The following UNC13C variants were observed in gnomAD, a reference collection of about 807,000 sequenced individuals.
The protein encoded by UNC13C is protein unc-13 homolog C.
A neutral mutation model predicts 245.4 loss-of-function variants in UNC13C; 174 were observed. The ratio of observed to expected loss-of-function variants is 0.71; its 90% confidence interval spans 0.63 to 0.80. The LOEUF is 0.80. Ranked by LOEUF, UNC13C falls within the 30% of genes least tolerant of loss-of-function variation. The pLI, the probability that UNC13C is intolerant of heterozygous loss-of-function variation, is 0.00. For missense variants in UNC13C, 2,829 were observed against 2,602.9 expected (o/e 1.09, Z -1.89); for synonymous variants, 992 against 895.1 (o/e 1.11, Z -1.93).
chr15:54,347,135 C>T (rs1429648348), intron 17 of UNC13C, among the ~76,000 whole-genome samples: 1 of 151,964 alleles, frequency 6.6e-6, no homozygotes, highest in East Asian at 1.9e-4. Flanking sequence ...TAAAGAGACC[C>T]CCTAATTGTG....
At chr15:54,135,791 A>G (rs2031697690) in intron 2 of UNC13C, among the ~76,000 whole-genome samples, 1 of 152,132 alleles carries the variant, frequency 6.6e-6, no homozygotes, top group African/African-American at 2.4e-5. Flanking sequence ...GGGCTTTTTT[A>G]TGATTCCATA....
chr15:54,130,060 T>A (rs1451421489), intron 2 of UNC13C, among the ~76,000 whole-genome samples: 2 of 147,788 alleles, frequency 1.4e-5, no homozygotes, highest in Non-Finnish European at 3.0e-5. Context: ...TGATGTGTTT[T>A]AGTGCATTTA....
At chr15:54,139,430 CA>C (rs2031905812) in intron 2 of UNC13C, among the ~76,000 whole-genome samples, 1 of 152,080 alleles carries the variant, frequency 6.6e-6, no homozygotes. Context: ...AGGTAGGACA[CA>C]ATTCAACCCA....
chr15:54,632,216 A>T (rs1901468479), downstream of UNC13C: 1 of 152,144 alleles, frequency 6.6e-6, no homozygotes. Context: ...ATATTTTCAT[A>T]TTCCATATAC....
At chr15:54,397,712 G>A (rs1422580490) in intron 18 of UNC13C, among the ~76,000 whole-genome samples, 3 of 151,180 alleles carry the variant, frequency 2.0e-5, no homozygotes, top group African/African-American at 7.3e-5. Flanking sequence ...GTGAAAAGGT[G>A]TTACATATTC....
At chr15:54,357,318 A>G (rs2140856010) in intron 17 of UNC13C, among the ~76,000 whole-genome samples, 1 of 152,194 alleles carries the variant, frequency 6.6e-6, no homozygotes, top group East Asian at 1.9e-4. Flanking sequence ...AATCAAATCA[A>G]CAAATGTTTT....
chr15:53,843,218 T>G, the UNC13C span, among the ~76,000 whole-genome samples: 17 of 152,260 alleles, frequency 1.1e-4, no homozygotes, highest in Admixed American at 2.6e-4. Context: ...ACAGGCAGAT[T>G]GCTTGAGTCC....
chr15:54,491,230 C>T (rs1344694040), intron 19 of UNC13C, among the ~76,000 whole-genome samples: 1 of 152,124 alleles, frequency 6.6e-6, no homozygotes, highest in Non-Finnish European at 1.5e-5. Flanking sequence ...TTAATTCAGG[C>T]TCATTCCTAA....
At chr15:54,123,537 A>G (rs1262525545) in intron 2 of UNC13C, among the ~76,000 whole-genome samples, 1 of 152,040 alleles carries the variant, frequency 6.6e-6, no homozygotes, top group East Asian at 1.9e-4. Context: ...TAATAAATCA[A>G]AGTAATTTAT....
intron 2 of UNC13C, among the ~76,000 whole-genome samples, chr15:54,132,504 C>T (rs966051714): frequency 1.3e-5 from 2 of 152,170 alleles, no homozygotes; most frequent in Non-Finnish European, 2.9e-5. Flanking sequence ...ATACACCATC[C>T]ACAGGTACTT....
At chr15:54,508,798 A>G (rs1396196856) in intron 23 of UNC13C, among the ~76,000 whole-genome samples, 1 of 152,250 alleles carries the variant, frequency 6.6e-6, no homozygotes, top group Non-Finnish European at 1.5e-5. Context: ...AGATTTCAAT[A>G]TCAAGATCAC....
At chr15:54,363,071 A>G (rs1003934268) in intron 17 of UNC13C, among the ~76,000 whole-genome samples, 4 of 152,216 alleles carry the variant, frequency 2.6e-5, no homozygotes, top group Non-Finnish European at 4.4e-5. Context: ...TGAAGCAACC[A>G]TAACCAATCA....
At chr15:54,144,781 AATTC>A (rs2032182696) in intron 4 of UNC13C, among the ~76,000 whole-genome samples, 1 of 152,208 alleles carries the variant, frequency 6.6e-6, no homozygotes, top group Non-Finnish European at 1.5e-5. Flanking sequence ...AATTATTTCT[AATTC>A]ATAATTGCAA....
chr15:54,062,369 C>T (rs1290451909), intron 2 of UNC13C, among the ~76,000 whole-genome samples: 1 of 151,208 alleles, frequency 6.6e-6, no homozygotes, highest in East Asian at 1.9e-4. Flanking sequence ...ATTCTCCTAA[C>T]ATGGCAGAGG....
At chr15:54,284,846 A>C (rs889970152) in intron 10 of UNC13C, among the ~76,000 whole-genome samples, 3 of 152,066 alleles carry the variant, frequency 2.0e-5, no homozygotes, top group Non-Finnish European at 1.5e-5. Context: ...TTATTATTCA[A>C]CTGTTTTAAT....
At chr15:54,442,463 T>C (rs1468572957) in intron 19 of UNC13C, among the ~76,000 whole-genome samples, 1 of 152,082 alleles carries the variant, frequency 6.6e-6, no homozygotes, top group Non-Finnish European at 1.5e-5. Context: ...CCTCAGGTGA[T>C]CCACCTGCCT....
At chr15:54,357,515 T>G (rs766309869) in intron 17 of UNC13C, among the ~76,000 whole-genome samples, 6 of 152,026 alleles carry the variant, frequency 3.9e-5, no homozygotes, top group African/African-American at 1.4e-4. Context: ...ATTCTTAAAT[T>G]TTTAGCATTA....
intron 2 of UNC13C, among the ~76,000 whole-genome samples, chr15:54,018,057 C>T (rs1036439429): frequency 6.6e-6 from 1 of 152,104 alleles, no homozygotes; most frequent in Admixed American, 6.5e-5. Context: ...TATCTCTGCT[C>T]CCCTTGGCAG....
At chr15:54,564,949 A>G (rs1343908266) in intron 29 of UNC13C, among the ~76,000 whole-genome samples, 1 of 151,978 alleles carries the variant, frequency 6.6e-6, no homozygotes, top group East Asian at 1.9e-4. Context: ...CAAACACTTT[A>G]GTTCTCCTTA....
Sources: allele counts gnomAD v4.1 joint callset (sites outside exome capture counted in the v4.1 genomes callset), GRCh38; gene constraint gnomAD v4.1.1; transcripts MANE v1.5; gene names NCBI Gene and HGNC (gene_info 2026-07-23, HGNC 2026-07-21).